Variants in ZNF84 observed in about 807,000 individuals in gnomAD.
The protein encoded by ZNF84 is zinc finger protein 84.
In ZNF84, 12 loss-of-function variants were observed where a neutral mutation model predicts 14.8. The ratio of observed to expected loss-of-function variants is 0.81; its 90% CI spans 0.52 to 1.31. ZNF84 has a LOEUF of 1.31. Ranked by LOEUF, ZNF84 falls within the 50% of genes most tolerant of loss-of-function variation. The pLI is 0.00. For missense variants in ZNF84, 859 were observed against 878.6 expected, an observed-to-expected ratio of 0.98 and a Z score of 0.28; for synonymous variants, 347 against 291.1, an observed-to-expected ratio of 1.19 and a Z score of -1.96.
At chr12:133,044,095 T>G (rs1489013746) in intron 2 of ZNF84, among the ~76,000 whole-genome samples, 1 of 152,018 alleles carries the variant, frequency 6.6e-6, no homozygotes, top group East Asian at 1.9e-4. Flanking sequence ...GATTTTTCTT[T>G]AGATTTGATT....
intron 3 of ZNF84, chr12:133,048,421 A>G (rs61006287): frequency 0.012 from 3,555 of 287,356 alleles, 116 homozygotes; most frequent in African/African-American, 0.07. Context: ...GAGCAATCCT[A>G]TGTGGCAAGT....
chr12:133,050,084 C>T (rs1201192983), intron 4 of ZNF84, among the ~76,000 whole-genome samples: 1 of 152,190 alleles, frequency 6.6e-6, no homozygotes, highest in African/African-American at 2.4e-5. Context: ...CCCTCAGATA[C>T]TTATGTGAGT....
Position 133,056,986 on chromosome 12 carries a change from C to T in ZNF84, c.271C>T (p.His91Tyr). 7.5e-6 allele frequency: 12 copies of T among 1,595,188 alleles called. No individual in the cohort carries two copies. The highest frequency in any genetic ancestry group is 1.4e-5 in the African/African-American group (1 of 73,800). The change falls in exon 5 of 5, where the codon CAC becomes TAC. Residue 91 changes from histidine (H) to tyrosine (Y), a missense_variant. Physicochemically the swap from His to Tyr is moderately conservative, Grantham distance 83. Transcript: ENST00000539354. Reference sequence around the variant, plus strand: ...GAAAGTAGATGGTAACATGATGTGGCACCAGGATAACCAAGACAAGCTTAA... The same window carrying T: ...GAAAGTAGATGGTAACATGATGTGGTACCAGGATAACCAAGACAAGCTTAA... The part of the protein sequence containing the change: ...VWKVDGNMMW[H>Y]QDNQDKLKII...
In ZNF84 at chr12:133,044,143, T is replaced by C. The variant is rs374620985; in HGVS notation, c.15+2661T>C. On this transcript the variant is annotated intron_variant, in intron 2 of 4. Transcript: ENST00000539354. ...TTAACAAAAACATCAGCAATAACTT[T>C]TTTTTTCTTTTTGTTTTAAGAGACA... Among the ~76,000 whole-genome samples, 40 of 151,860 alleles carry C rather than the reference T, an allele frequency of 2.6e-4. No homozygotes were observed. In the East Asian group the frequency reaches 6.4e-3, roughly 24 times the overall value.
intron 2 of ZNF84, chr12:133,047,737 C>T: frequency 2.5e-6 from 1 of 398,986 alleles, no homozygotes; most frequent in African/African-American, 2.0e-5. Flanking sequence ...TCATTTTCTT[C>T]TGGAGAGGCT....
chr12:133,040,318 C>T (rs56292704), intron 1 of ZNF84: 69,846 of 151,794 alleles, frequency 0.46, 16,851 homozygotes, highest in African/African-American at 0.6. Flanking sequence ...TCCTAGCACT[C>T]TGGGAGGCTG....
rs1954215987 is a variant in ZNF84, at chr12:133,059,215, A to G, written c.*283A>G. The G allele has an allele frequency of 2.4e-6, 1 of 410,892 alleles. No individual in the cohort carries two copies. The highest frequency in any genetic ancestry group is 4.3e-6 in the Non-Finnish European group (1 of 232,564). The allele number at this position is 410,892 out of a possible 1,614,324, so 25.5% of individuals were successfully genotyped here. A position where few individuals can be genotyped will look rare whatever the true frequency, so the allele number is the denominator to read the frequency against. On this transcript the variant is annotated 3_prime_UTR_variant, in exon 5 of 5. Coordinates refer to ENST00000539354, the MANE Select transcript of ZNF84 (RefSeq NM_001289971.2). ...AATGTCCAAAAGCCTTCCAGAAGTC[A>G]AGTCTCTTAAGCTATTAGAAATATT...
chr12:133,058,395 T>C lies in ZNF84; in HGVS notation c.1680T>C (p.Thr560=). ...KAFGEKSSLA[T]HQRTHTGEKP... is the part of the protein sequence containing the mutation. Reference sequence around the variant, plus strand: ...TTGGTGAGAAGTCAAGTCTTGCAACTCATCAGAGAACTCATACTGGAGAAA... The same window carrying C: ...TTGGTGAGAAGTCAAGTCTTGCAACCCATCAGAGAACTCATACTGGAGAAA... The change falls in exon 5 of 5, where the codon ACT becomes ACC. Residue 560 remains threonine (T), a synonymous_variant. Transcript: ENST00000539354. 1.2e-6 allele frequency: 2 copies of C among 1,611,560 alleles called. No homozygotes were observed. The highest frequency in any genetic ancestry group is 1.7e-6 in the Non-Finnish European group (2 of 1,179,356).
rs1420899477 is a variant in ZNF84, at chr12:133,048,560, C to T, written c.143-193C>T. On this transcript the variant is annotated intron_variant, in intron 3 of 4. Transcript: ENST00000539354. ...CCCAGGCTTACTGGCTCCAGAGCCT[C>T]TGAAGTGTTCAGTGGCTTTGTACTA... is the stretch of plus-strand genomic sequence containing the variant. The T allele has an allele frequency of 1.2e-5, 5 of 432,480 alleles. No individual in the cohort carries two copies. In the South Asian group the frequency reaches 1.7e-4, roughly 14 times the overall value. The allele number at this position is 432,480 out of a possible 1,614,324, so 26.8% of individuals were successfully genotyped here. A position where few individuals can be genotyped will look rare whatever the true frequency, so the allele number is the denominator to read the frequency against.
chr12:133,048,719 G>A, intron 3 of ZNF84, 34 bp from the exon 4 acceptor site: 1 of 1,577,384 alleles, frequency 6.3e-7, no homozygotes, highest in Non-Finnish European at 8.7e-7. Flanking sequence ...CCAAGCAGTT[G>A]GGCCCAAGGC....
chr12:133,048,692 T>G, intron 3 of ZNF84, 61 bp from the exon 4 acceptor site: 2 of 1,323,532 alleles, frequency 1.5e-6, no homozygotes. Context: ...CTTGCTCAAC[T>G]TTAGAGGCCC....
chr12:133,044,761 A>G (rs972952852), intron 2 of ZNF84, among the ~76,000 whole-genome samples: 1 of 151,946 alleles, frequency 6.6e-6, no homozygotes, highest in Non-Finnish European at 1.5e-5. Flanking sequence ...AATAATACAA[A>G]AAATTAGCCG....
chr12:133,054,860 T>C (rs1180058652), intron 4 of ZNF84, among the ~76,000 whole-genome samples: 1 of 152,168 alleles, frequency 6.6e-6, no homozygotes, highest in Non-Finnish European at 1.5e-5. Context: ...ACACATTATA[T>C]GAGCCAAATA....
In ZNF84 at chr12:133,058,126, A is replaced by G; in HGVS notation, c.1411A>G (p.Lys471Glu). Residue 471 changes from lysine (K) to glutamate (E), a missense_variant, in exon 5 of 5, where the codon AAA becomes GAA. Coordinates refer to ENST00000539354, the MANE Select transcript of ZNF84 (RefSeq NM_001289971.2). ...CSKCGKAFSR[K>E]SQLVRHQRTH... The stretch of plus-strand genomic sequence containing the variant: ...TAAATGTGGGAAAGCCTTCAGCAGG[A>G]AATCACAGCTCGTTAGACATCAGAG... The G allele has an allele frequency of 6.2e-7, 1 of 1,614,078 alleles. No homozygotes were observed. The highest frequency in any genetic ancestry group is 8.5e-7 in the Non-Finnish European group (1 of 1,180,034).
chr12:133,057,296 T>C lies in ZNF84; in HGVS notation c.581T>C (p.Ile194Thr). ...AAAGAGAGCTATAAAAAGTCACAGA[T>C]TATCATATATCATAGAAATCGTTTA... The part of the protein sequence containing the change: ...KYKESYKKSQ[I>T]IIYHRNRLGE... The change falls in exon 5 of 5, where the codon ATT becomes ACT. Residue 194 changes from isoleucine (I) to threonine (T), a missense_variant. Transcript: ENST00000539354. The C allele has an allele frequency of 6.2e-7, 1 of 1,613,320 alleles. No homozygotes were observed.
intron 4 of ZNF84, chr12:133,050,488 C>T (rs1172000185): frequency 7.5e-6 from 3 of 398,496 alleles, no homozygotes; most frequent in Non-Finnish European, 1.3e-5. Flanking sequence ...GATGCAGTGG[C>T]AGCATCTGCT....
chr12:133,058,792 T>C lies in ZNF84; in HGVS notation c.2077T>C (p.Ser693Pro). The change falls in exon 5 of 5, where the codon TCT (serine) becomes CCT (proline). Residue 693 changes from serine to proline, a missense_variant. Transcript: ENST00000539354. Reference sequence around the variant, plus strand: ...ATGCAGTGAATGTAGGAAGGCCTTCTCTCAGAAGTCACAGCTGGTTAATCA... The same window carrying C: ...ATGCAGTGAATGTAGGAAGGCCTTCCCTCAGAAGTCACAGCTGGTTAATCA... ...YGCSECRKAF[S>P]QKSQLVNHQR... The C allele has an allele frequency of 6.2e-7, 1 of 1,613,676 alleles. No individual in the cohort carries two copies. The highest frequency in any genetic ancestry group is 1.1e-5 in the South Asian group (1 of 91,062).
intron 4 of ZNF84, among the ~76,000 whole-genome samples, chr12:133,053,677 A>G (rs1403068579): frequency 6.6e-6 from 1 of 152,320 alleles, no homozygotes; most frequent in East Asian, 1.9e-4. Context: ...CAGGAGTTCA[A>G]GGCTGCAGTG....
At chr12:133,047,085 G>A (rs1953995741) in intron 2 of ZNF84, among the ~76,000 whole-genome samples, 1 of 151,166 alleles carries the variant, frequency 6.6e-6, no homozygotes, top group Non-Finnish European at 1.5e-5. Context: ...ATAGGTGTGA[G>A]CCACCTTGCC....
Sources: gnomAD v4.1 joint callset for allele counts (sites outside exome capture counted in the v4.1 genomes callset) on GRCh38, gnomAD v4.1.1 for gene constraint, MANE v1.5 for transcripts, NCBI Gene and HGNC (gene_info 2026-07-23, HGNC 2026-07-21) for gene names.